Variants in MZT1 observed in about 807,000 individuals in gnomAD.
MZT1 encodes mitotic-spindle organizing protein 1.
MZT1 carries 8 observed loss-of-function variants against 8.5 expected under a neutral mutation model. That is an observed-to-expected ratio of 0.94 (90% CI 0.55 to 1.70). The LOEUF (loss-of-function observed/expected upper bound fraction) is 1.70, where lower values mean the gene tolerates loss of function less well. MZT1 is among the 40% of genes most tolerant of loss of function. MZT1 has a pLI of 0.00. For missense variants in MZT1, 93 were observed against 108.6 expected (o/e 0.86, Z 0.64); for synonymous variants, 38 against 42.0 (o/e 0.90, Z 0.37).
chr13:72,718,820 C>T, intron 2 of MZT1, 132 bp downstream of exon 2: 1 of 843,040 alleles, frequency 1.2e-6, no homozygotes, highest in Non-Finnish European at 1.8e-6. Flanking sequence ...CACTATTGAG[C>T]TCCTGGTCTT....
chr13:72,716,581 C>T (rs1408461477), intron 2 of MZT1, among the ~76,000 whole-genome samples: 1 of 152,126 alleles, frequency 6.6e-6, no homozygotes, highest in Non-Finnish European at 1.5e-5. Context: ...TATCAGGTAT[C>T]AGAAGGTTTT....
At position 72,724,730 on chromosome 13, in the gene MZT1, A is replaced by G. The variant is rs1182872301; in HGVS notation, c.79+2794T>C. The stretch of plus-strand genomic sequence containing the variant: ...TATATATATATATACATATATATAT[A>G]TATATATATACACATATATATATGT... On this transcript the variant is annotated intron_variant, in intron 1 of 2. Transcript: ENST00000377818. Among the ~76,000 whole-genome samples, 15 of 31,866 alleles carry G rather than the reference A, an allele frequency of 4.7e-4. 2 individuals are homozygous for G. Among genetic ancestry groups the G allele is most frequent in the Admixed American group, 3.3e-3 (6 of 1,826 alleles). 20.9% of individuals were successfully genotyped at this position (31,866 alleles called of 152,430 possible).
rs774125906 is a variant in MZT1, at chr13:72,727,597, C to T, written c.6G>A (p.Ala2=). The part of the protein sequence containing the change: M[A]SSSGAGAAAA... ...CCGCCGCCCCAGCACCGCTGCTACT[C>T]GCCATGGCTAAGGCCGAGGGAGGCG... The change falls in exon 1 of 3, where the codon GCG becomes GCA. Residue 2 remains alanine (A), a synonymous_variant. Transcript: ENST00000377818. 7 of 1,599,460 alleles carry T rather than the reference C, an allele frequency of 4.4e-6. No individual in the cohort carries two copies. The highest frequency in any genetic ancestry group is 2.2e-5 in the South Asian group (2 of 89,684).
chr13:72,714,971 G>A (rs1422393075), intron 2 of MZT1, among the ~76,000 whole-genome samples: 1 of 152,198 alleles, frequency 6.6e-6, no homozygotes, highest in Non-Finnish European at 1.5e-5. Flanking sequence ...GAATGGAGCT[G>A]TGAGAAGAGG....
In MZT1 at chr13:72,725,985, G is replaced by A. The variant is rs2032649833; in HGVS notation, c.79+1539C>T. ...TACATCGAAAAGGATAGAAAAATAA[G>A]CTGAATATTAAGAGTAACATTCTCA... On this transcript the variant is annotated intron_variant, in intron 1 of 2. Transcript: ENST00000377818. Among the ~76,000 whole-genome samples the A allele has an allele frequency of 2.0e-5, 3 of 151,936 alleles. 1 individual carries two copies. The South Asian group carries it at 6.2e-4, about 32-fold the overall frequency.
rs1180726488 is a variant in MZT1 at position 72,724,752 on chromosome 13, A to ATATATATATATGTGTG, written c.79+2771_79+2772insCACACATATATATATA. ...TATATATATATATACACATATATAT[A>ATATATATATATGTGTG]TGTAAAGTGGTGCTACAGGCCGGGC... is the stretch of plus-strand genomic sequence containing the variant. On this transcript the variant is annotated intron_variant, in intron 1 of 2. Transcript: ENST00000377818. Among the ~76,000 whole-genome samples, 89 of 56,878 alleles carry ATATATATATATGTGTG rather than the reference A, an allele frequency of 1.6e-3. 19 individuals are homozygous for ATATATATATATGTGTG. The highest frequency in any genetic ancestry group is 2.2e-3 in the Non-Finnish European group (60 of 26,826). The allele number at this position is 56,878 out of a possible 152,430, so 37.3% of individuals were successfully genotyped here. A position where few individuals can be genotyped will look rare whatever the true frequency, so the allele number is the denominator to read the frequency against.
intron 1 of MZT1, among the ~76,000 whole-genome samples, chr13:72,725,874 C>T (rs893870294): frequency 1.3e-5 from 2 of 152,008 alleles, no homozygotes; most frequent in Non-Finnish European, 2.9e-5. Context: ...AGGAAATATA[C>T]AAGACAGTAA....
Position 72,719,115 on chromosome 13 carries a change from A to C in MZT1, c.80-18T>G, listed in dbSNP as rs752668837. ...AAGCAGAACTGAAAAAAGATACAAA[A>C]AAAAAAAAAACTTAAGGCTTACAGC... On this transcript the variant is annotated intron_variant, in intron 1 of 2. Coordinates refer to ENST00000377818, the MANE Select transcript of MZT1 (RefSeq NM_001071775.3). 2 of 1,524,068 alleles carry C rather than the reference A, an allele frequency of 1.3e-6. No homozygotes were observed. The highest frequency in any genetic ancestry group is 1.7e-6 in the Non-Finnish European group (2 of 1,149,798). 94.4% of individuals were successfully genotyped at this position (1,524,068 alleles called of 1,614,324 possible). A position where few individuals can be genotyped will look rare whatever the true frequency, so the allele number is the denominator to read the frequency against.
intron 1 of MZT1, among the ~76,000 whole-genome samples, chr13:72,725,001 G>A (rs1046211474): frequency 6.7e-6 from 1 of 149,584 alleles, no homozygotes; most frequent in Non-Finnish European, 1.5e-5. Context: ...GGGAGGCGGA[G>A]GTTGCAGTGA....
rs560348851 is a variant in MZT1, at chr13:72,716,389, C to T, written c.225+2563G>A. ...TTGCATGGATATTCTCTTTATGATACATTTTAGCTCTACAAATGTGGTTTA... is the reference window on the plus strand; with the variant it reads ...TTGCATGGATATTCTCTTTATGATATATTTTAGCTCTACAAATGTGGTTTA... On this transcript the variant is annotated intron_variant, in intron 2 of 2. Transcript: ENST00000377818. Among the ~76,000 whole-genome samples, 10 of 152,218 alleles carry T rather than the reference C, an allele frequency of 6.6e-5. No individual in the cohort carries two copies. The South Asian group carries it at 2.1e-3, about 32-fold the overall frequency.
intron 2 of MZT1, among the ~76,000 whole-genome samples, chr13:72,713,242 CT>C (rs2032504702): frequency 6.6e-6 from 1 of 152,162 alleles, no homozygotes; most frequent in African/African-American, 2.4e-5. Flanking sequence ...CAGTAAACTA[CT>C]AATAGTAGCA....
At chr13:72,716,766 A>G (rs1443422091) in intron 2 of MZT1, among the ~76,000 whole-genome samples, 1 of 152,236 alleles carries the variant, frequency 6.6e-6, no homozygotes, top group East Asian at 1.9e-4. Context: ...AGAATAGGAC[A>G]TGTTTTTAGT....
At chr13:72,727,055 G>A (rs2032673706) in intron 1 of MZT1, among the ~76,000 whole-genome samples, 1 of 152,252 alleles carries the variant, frequency 6.6e-6, no homozygotes, top group Admixed American at 6.5e-5. Context: ...GCGAAGAACA[G>A]GAGGCATAGC....
intron 1 of MZT1, among the ~76,000 whole-genome samples, chr13:72,721,653 A>ACT (rs895841927): frequency 6.6e-6 from 1 of 152,122 alleles, no homozygotes; most frequent in African/African-American, 2.4e-5. Flanking sequence ...GAGGCCTGGA[A>ACT]CTCTCTGAAG....
intron 1 of MZT1, among the ~76,000 whole-genome samples, chr13:72,724,760 T>C (rs1335395100): frequency 1.4e-5 from 1 of 71,998 alleles, no homozygotes; most frequent in Non-Finnish European, 3.1e-5. Context: ...ATATGTAAAG[T>C]GGTGCTACAG....
intron 2 of MZT1, among the ~76,000 whole-genome samples, chr13:72,713,309 G>T (rs962348568): frequency 5.9e-5 from 9 of 152,174 alleles, no homozygotes; most frequent in Admixed American, 4.6e-4. Flanking sequence ...TCTGATTTCA[G>T]ATGTCCTAAA....
chr13:72,715,721 T>C lies in MZT1; in HGVS notation c.225+3231A>G, dbSNP rs562809220. Among the ~76,000 whole-genome samples the C allele has an allele frequency of 3.9e-5, 6 of 152,268 alleles. No homozygotes were observed. The South Asian group carries it at 1.2e-3, about 32-fold the overall frequency. On this transcript the variant is annotated intron_variant, in intron 2 of 2. Coordinates refer to ENST00000377818, the MANE Select transcript of MZT1 (RefSeq NM_001071775.3). ...CTTAAGAGTTATGGTTACATAAAACTGTGGCACCTCACTCTCTCCCTCTCT... is the reference window on the plus strand; with the variant it reads ...CTTAAGAGTTATGGTTACATAAAACCGTGGCACCTCACTCTCTCCCTCTCT...
chr13:72,720,836 C>T (rs866698042), intron 1 of MZT1, among the ~76,000 whole-genome samples: 1 of 151,986 alleles, frequency 6.6e-6, no homozygotes, highest in South Asian at 2.1e-4. Flanking sequence ...TGCGGTGAGC[C>T]GAGATTGCGC....
Position 72,710,272 on chromosome 13 carries a change from C to A in MZT1, c.*50G>T. ...ACATTCTCAACTACAATGCAATCTT[C>A]AAACCCTCTTGCAGAGCTTGACATA... On this transcript the variant is annotated 3_prime_UTR_variant, in exon 3 of 3. Transcript: ENST00000377818. The A allele has an allele frequency of 6.2e-7, 1 of 1,600,020 alleles. No homozygotes were observed. The highest frequency in any genetic ancestry group is 8.6e-7 in the Non-Finnish European group (1 of 1,168,516).
Sources: gnomAD v4.1 joint callset for allele counts (sites outside exome capture counted in the v4.1 genomes callset) on GRCh38, gnomAD v4.1.1 for gene constraint, MANE v1.5 for transcripts, NCBI Gene and HGNC (gene_info 2026-07-23, HGNC 2026-07-21) for gene names.